Variants in GPHN observed in about 807,000 individuals in gnomAD.
GPHN encodes the protein gephyrin.
A neutral mutation model predicts 95.5 loss-of-function variants in GPHN; 17 were observed. The observed-to-expected ratio is 0.18, with a 90% CI of 0.12 to 0.27. GPHN has a LOEUF of 0.27. Ranked by LOEUF, GPHN falls within the 10% of genes least tolerant of loss-of-function variation. The pLI is 1.00. For missense variants in GPHN, 660 were observed against 978.1 expected, an observed-to-expected ratio of 0.67 and a Z score of 4.34; for synonymous variants, 320 against 322.5, an observed-to-expected ratio of 0.99 and a Z score of 0.08.
the GPHN span, among the ~76,000 whole-genome samples, chr14:67,439,585 C>CTTCTTTCTT: frequency 0.014 from 1,825 of 132,340 alleles, 70 homozygotes; most frequent in Admixed American, 0.06. Flanking sequence ...TTCTTTCTTT[C>CTTCTTTCTT]TTTCTTTCTT....
intron 20 of GPHN, among the ~76,000 whole-genome samples, chr14:67,166,395 C>A (rs1435891637): frequency 6.6e-6 from 1 of 152,168 alleles, no homozygotes; most frequent in Non-Finnish European, 1.5e-5. Context: ...TATGACTTAA[C>A]CTACAGACCA....
chr14:66,613,782 A>G (rs1442391865), intron 1 of GPHN, among the ~76,000 whole-genome samples: 1 of 152,184 alleles, frequency 6.6e-6, no homozygotes, highest in East Asian at 1.9e-4. Context: ...ATATTAGTAT[A>G]ATTGATGGGT....
At chr14:67,058,964 T>C in intron 11 of GPHN, 178 bp downstream of exon 11, 1 of 643,248 alleles carries the variant, frequency 1.6e-6, no homozygotes, top group Non-Finnish European at 2.7e-6. Flanking sequence ...GGTTCAGCCT[T>C]AACAGTATAC....
chr14:67,404,251 C>T, the GPHN span, among the ~76,000 whole-genome samples: 1 of 152,324 alleles, frequency 6.6e-6, no homozygotes, highest in Admixed American at 6.5e-5. Flanking sequence ...CAAGGTCAGA[C>T]TCCACAGTCT....
the GPHN span, among the ~76,000 whole-genome samples, chr14:67,187,470 T>A: frequency 6.6e-6 from 1 of 152,196 alleles, no homozygotes; most frequent in Non-Finnish European, 1.5e-5. Context: ...CCATTGACAC[T>A]GCCACTGCCA....
intron 10 of GPHN, among the ~76,000 whole-genome samples, chr14:67,034,261 G>A (rs556704696): frequency 1.3e-5 from 2 of 152,250 alleles, no homozygotes; most frequent in African/African-American, 4.8e-5. Flanking sequence ...TTTTATATAT[G>A]ATTGATAGAT....
At chr14:67,417,608 A>AT in the GPHN span, among the ~76,000 whole-genome samples, 17,866 of 151,216 alleles carry the variant, frequency 0.12, 1,688 homozygotes, top group African/African-American at 0.26. Context: ...ATTAAAAAAA[A>AT]TTTTTTTTTG....
At chr14:66,542,461 AC>A (rs2059386367) in intron 1 of GPHN, among the ~76,000 whole-genome samples, 1 of 152,286 alleles carries the variant, frequency 6.6e-6, no homozygotes, top group Non-Finnish European at 1.5e-5. Context: ...TACTCTGTCT[AC>A]CCATCTACCA....
the GPHN span, chr14:67,582,112 C>T: frequency 1.8e-5 from 29 of 1,613,046 alleles, no homozygotes; most frequent in Admixed American, 1.8e-4. The surrounding 1 kb of genome is among the most constrained non-coding windows in gnomAD (Gnocchi z 5.0). Flanking sequence ...GGACCGAGAA[C>T]GGCTGCTCCT....
At chr14:67,186,505 A>G (rs2083369279), downstream of GPHN, among the ~76,000 whole-genome samples, 1 of 152,214 alleles carries the variant, frequency 6.6e-6, no homozygotes, top group Non-Finnish European at 1.5e-5. Flanking sequence ...AACTACCACA[A>G]CTAGGGCTGG....
At chr14:67,085,713 C>G (rs2076857330) in intron 11 of GPHN, among the ~76,000 whole-genome samples, 2 of 152,190 alleles carry the variant, frequency 1.3e-5, no homozygotes, top group Admixed American at 6.5e-5. Context: ...ATATACATAA[C>G]ATAAAACTTA....
the GPHN span, among the ~76,000 whole-genome samples, chr14:67,243,489 ATTTT>A: frequency 4.0e-5 from 4 of 100,290 alleles, no homozygotes; most frequent in Admixed American, 1.2e-4. Context: ...CCAGAATATA[ATTTT>A]TTTTTTTTTT....
At chr14:66,893,655 T>C (rs2064652375) in intron 5 of GPHN, among the ~76,000 whole-genome samples, 1 of 152,192 alleles carries the variant, frequency 6.6e-6, no homozygotes, top group African/African-American at 2.4e-5. Flanking sequence ...AATAAGCAAC[T>C]TCAGCAAAGT....
intron 1 of GPHN, among the ~76,000 whole-genome samples, chr14:66,623,503 A>G (rs1007803898): frequency 2.6e-5 from 4 of 151,562 alleles, no homozygotes; most frequent in Non-Finnish European, 5.9e-5. Context: ...CTGTAGTCCC[A>G]GTTACTTGGG....
intron 1 of GPHN, among the ~76,000 whole-genome samples, chr14:66,547,214 C>A (rs955374364): frequency 1.3e-5 from 2 of 152,144 alleles, no homozygotes; most frequent in Non-Finnish European, 2.9e-5. Flanking sequence ...GGTTAGACTT[C>A]AGCTTTTAAT....
At chr14:67,109,010 G>T (rs2078210471) in intron 13 of GPHN, among the ~76,000 whole-genome samples, 4 of 152,048 alleles carry the variant, frequency 2.6e-5, no homozygotes, top group Admixed American at 2.6e-4. Flanking sequence ...AAACCTGCAT[G>T]AGTAGCCCAC....
intron 8 of GPHN, among the ~76,000 whole-genome samples, chr14:66,933,958 G>A (rs1011655175): frequency 6.6e-6 from 1 of 151,780 alleles, no homozygotes; most frequent in African/African-American, 2.4e-5. Context: ...GGGCAACATG[G>A]CAAAACCCCA....
At chr14:67,230,653 C>A in the GPHN span, among the ~76,000 whole-genome samples, 1 of 152,016 alleles carries the variant, frequency 6.6e-6, no homozygotes, top group Non-Finnish European at 1.5e-5. Context: ...AAGACTCGTA[C>A]ACAAAGAGTC....
intron 17 of GPHN, among the ~76,000 whole-genome samples, chr14:67,142,586 T>C (rs2080543307): frequency 6.6e-6 from 1 of 152,204 alleles, no homozygotes; most frequent in African/African-American, 2.4e-5. Flanking sequence ...GTTCATACCA[T>C]CTCTGCTTTC....
Sources: gnomAD v4.1 joint callset for allele counts (sites outside exome capture counted in the v4.1 genomes callset) on GRCh38, gnomAD v4.1.1 for gene constraint, Gnocchi (gnomAD v3.1) non-coding constraint, MANE v1.5 for transcripts, NCBI Gene and HGNC (gene_info 2026-07-23, HGNC 2026-07-21) for gene names.